SIL1: variants seen among roughly 807,000 people sequenced by gnomAD.
SIL1 encodes nucleotide exchange factor SIL1.
A neutral mutation model predicts 49.1 loss-of-function variants in SIL1; 40 were observed. That is an observed-to-expected ratio of 0.81 (90% CI 0.63 to 1.06). The LOEUF is 1.06. Among genes scored for constraint, SIL1 ranks in the 50% least tolerant of loss-of-function variants. The pLI is 0.00. For synonymous variants in SIL1, 253 were observed against 250.8 expected (o/e 1.01, Z -0.08); for missense variants, 500 against 572.6 (o/e 0.87, Z 1.29).
intron 3 of SIL1, among the ~76,000 whole-genome samples, chr5:139,114,980 G>T (rs1217589770): frequency 1.3e-5 from 2 of 152,182 alleles, no homozygotes; most frequent in East Asian, 3.9e-4. Flanking sequence ...AGGGGCTTAG[G>T]CATGAAGTGT....
intron 3 of SIL1, among the ~76,000 whole-genome samples, chr5:139,057,952 C>T (rs1380592163): frequency 6.6e-6 from 1 of 152,186 alleles, no homozygotes; most frequent in East Asian, 1.9e-4. Context: ...GTGGAACTCT[C>T]ATGACCTCAT....
At chr5:139,031,621 A>T (rs1345015535) in intron 5 of SIL1, among the ~76,000 whole-genome samples, 1 of 152,226 alleles carries the variant, frequency 6.6e-6, no homozygotes, top group South Asian at 2.1e-4. Context: ...CAAACTTTAG[A>T]ATAAGCTCAT....
Position 139,107,402 on chromosome 5 carries a change from G to GA in SIL1, c.244+13632dup, listed in dbSNP as rs1036021277. On this transcript the variant is annotated intron_variant, in intron 3 of 9. Coordinates refer to ENST00000394817, the MANE Select transcript of SIL1 (RefSeq NM_022464.5). ...ACTTACAGAAAAGTTGCAAAAAAAAGAAAAAAAAATACAGAGTTTCCCATA... is the reference window on the plus strand; with the variant it reads ...ACTTACAGAAAAGTTGCAAAAAAAAGAAAAAAAAAATACAGAGTTTCCCATA... Among the ~76,000 whole-genome samples the GA allele has an allele frequency of 1.5e-4, 22 of 150,144 alleles. 1 individual carries two copies. Among genetic ancestry groups the GA allele is most frequent in the Admixed American group, 1.1e-3 (16 of 15,114 alleles).
intron 7 of SIL1, among the ~76,000 whole-genome samples, chr5:138,969,420 C>T (rs1162811813): frequency 2.0e-5 from 3 of 152,242 alleles, no homozygotes; most frequent in Admixed American, 2.0e-4. Flanking sequence ...GCTTTCCTTT[C>T]TGGGACTCTA....
In SIL1 at chr5:138,964,900, C is replaced by T. The variant is rs542053864; in HGVS notation, c.768-13016G>A. 7.9e-5 allele frequency among the ~76,000 whole-genome samples: 12 copies of T among 152,334 alleles called. No individual in the cohort carries two copies. The South Asian group carries it at 8.3e-4, about 11-fold the overall frequency. On this transcript the variant is annotated intron_variant, in intron 7 of 9. Coordinates refer to ENST00000394817, the MANE Select transcript of SIL1 (RefSeq NM_022464.5). The stretch of plus-strand genomic sequence containing the variant: ...CACAGCCTGGAATGTGACTTGCACA[C>T]GCCATGGCTGAGTATGGACCAATGT...
At chr5:139,155,760 A>G (rs925559093) in intron 1 of SIL1, among the ~76,000 whole-genome samples, 9 of 152,160 alleles carry the variant, frequency 5.9e-5, no homozygotes, top group Non-Finnish European at 1.0e-4. Flanking sequence ...TCTGCAGACC[A>G]TAGCAGGTGA....
intron 7 of SIL1, among the ~76,000 whole-genome samples, chr5:138,990,633 G>A (rs1273177158): frequency 6.6e-6 from 1 of 152,076 alleles, no homozygotes; most frequent in Non-Finnish European, 1.5e-5. Context: ...TCACTATTTT[G>A]TCCAGGCTGG....
chr5:139,109,709 A>G (rs1443312522), intron 3 of SIL1, among the ~76,000 whole-genome samples: 3 of 151,600 alleles, frequency 2.0e-5, no homozygotes, highest in African/African-American at 7.3e-5. Context: ...AAAAAAAAAA[A>G]AAAAAGCAGT....
At chr5:139,093,596 C>CATT (rs1654888278) in intron 3 of SIL1, among the ~76,000 whole-genome samples, 1 of 152,170 alleles carries the variant, frequency 6.6e-6, no homozygotes, top group African/African-American at 2.4e-5. Flanking sequence ...ATCCCTTACC[C>CATT]ATTACATTTT....
chr5:138,975,676 T>C (rs544712284), intron 7 of SIL1, among the ~76,000 whole-genome samples: 3 of 152,232 alleles, frequency 2.0e-5, no homozygotes, highest in African/African-American at 7.2e-5. Flanking sequence ...ATTCTAAGGC[T>C]AGGCCACAAA....
At chr5:138,996,241 T>C (rs988218903) in intron 7 of SIL1, among the ~76,000 whole-genome samples, 8 of 152,202 alleles carry the variant, frequency 5.3e-5, no homozygotes, top group Non-Finnish European at 1.0e-4. Context: ...TGAGATGATA[T>C]CCCATTGTGA....
chr5:139,002,611 C>A (rs1768012325), intron 7 of SIL1, among the ~76,000 whole-genome samples: 1 of 152,080 alleles, frequency 6.6e-6, no homozygotes, highest in South Asian at 2.1e-4. Context: ...GAAATATTTG[C>A]AAAACAGAAG....
intron 7 of SIL1, chr5:139,013,813 A>T (rs932864635): frequency 2.6e-5 from 4 of 152,206 alleles, no homozygotes; most frequent in Non-Finnish European, 5.9e-5. Flanking sequence ...TTAAATGTTA[A>T]TTACAAAAAT....
intron 1 of SIL1, among the ~76,000 whole-genome samples, chr5:139,189,037 A>G (rs1017054093): frequency 2.6e-5 from 4 of 152,232 alleles, no homozygotes; most frequent in Non-Finnish European, 5.9e-5. Flanking sequence ...CAACTAAGAC[A>G]ACAATGAGGT....
rs558517082 is a variant in SIL1, at chr5:139,004,282, T to G, written c.767+16889A>C. 1.3e-3 allele frequency among the ~76,000 whole-genome samples: 191 copies of G among 152,322 alleles called. 1 individual carries two copies. Among genetic ancestry groups the G allele is most frequent in the African/African-American group, 4.2e-3 (176 of 41,580 alleles). On this transcript the variant is annotated intron_variant, in intron 7 of 9. Coordinates refer to ENST00000394817, the MANE Select transcript of SIL1 (RefSeq NM_022464.5). ...TCCCAAAGTGCTGAGATTACAGGTG[T>G]GAGCCACTGTACCTGGCCTCTGTTT... is the stretch of plus-strand genomic sequence containing the variant.
intron 4 of SIL1, among the ~76,000 whole-genome samples, chr5:139,043,982 A>C (rs1769100032): frequency 6.6e-6 from 1 of 152,188 alleles, no homozygotes; most frequent in South Asian, 2.1e-4. Context: ...CATCAGTCTC[A>C]TAGTCTGAGA....
At chr5:138,976,885 C>T (rs1262447187) in intron 7 of SIL1, among the ~76,000 whole-genome samples, 2 of 152,100 alleles carry the variant, frequency 1.3e-5, no homozygotes, top group African/African-American at 4.8e-5. Context: ...TCATTATGTG[C>T]CATCCATCAC....
intron 7 of SIL1, among the ~76,000 whole-genome samples, chr5:138,961,762 G>C (rs1422928687): frequency 6.6e-6 from 1 of 151,978 alleles, no homozygotes; most frequent in African/African-American, 2.4e-5. Context: ...AATCACTCGT[G>C]ACTCTATTAA....
intron 3 of SIL1, among the ~76,000 whole-genome samples, chr5:139,100,042 CATAA>C (rs1561861803): frequency 6.6e-6 from 1 of 152,128 alleles, no homozygotes; most frequent in Non-Finnish European, 1.5e-5. Flanking sequence ...TCATGTACCT[CATAA>C]ATATATACAC....
Sources: gnomAD v4.1 joint callset for allele counts (sites outside exome capture counted in the v4.1 genomes callset) on GRCh38, gnomAD v4.1.1 for gene constraint, MANE v1.5 for transcripts, NCBI Gene and HGNC (gene_info 2026-07-23, HGNC 2026-07-21) for gene names.